The following PPP1R14C variants were observed in gnomAD, a reference collection of about 807,000 sequenced individuals.
PPP1R14C encodes the protein protein phosphatase 1 regulatory inhibitor subunit 14C, also known as protein phosphatase 1 regulatory subunit 14C.
PPP1R14C carries 16 observed loss-of-function variants against 20.4 expected under a neutral mutation model. That is an observed-to-expected ratio of 0.78 (90% CI 0.53 to 1.19). PPP1R14C has a LOEUF of 1.19. PPP1R14C is among the 50% of genes most tolerant of loss of function. The pLI, the probability that PPP1R14C is intolerant of heterozygous loss-of-function variation, is 0.00. For missense variants in PPP1R14C, 211 were observed against 220.1 expected, an observed-to-expected ratio of 0.96 and a Z score of 0.26; for synonymous variants, 91 against 91.0, an observed-to-expected ratio of 1.00 and a Z score of 0.00.
rs1315407563 is a variant in PPP1R14C, at chr6:150,143,158, C to G, written c.-35C>G. ...GCCGGGCGCGCTCCGCCCGCCCCTCCTCCGGGCCGCACTGAGGCTCGGGCG... is the reference window on the plus strand; with the variant it reads ...GCCGGGCGCGCTCCGCCCGCCCCTCGTCCGGGCCGCACTGAGGCTCGGGCG... On this transcript the variant is annotated 5_prime_UTR_variant, in exon 1 of 4. Transcript: ENST00000361131. The surrounding 1 kb of genome is among the most constrained non-coding windows in gnomAD (Gnocchi z 5.6). 9 of 1,247,276 alleles carry G rather than the reference C, an allele frequency of 7.2e-6. No individual in the cohort carries two copies. In the African/African-American group the frequency reaches 9.5e-5, roughly 13 times the overall value. The allele number at this position is 1,247,276 out of a possible 1,614,324, so 77.3% of individuals were successfully genotyped here. A position where few individuals can be genotyped will look rare whatever the true frequency, so the allele number is the denominator to read the frequency against.
chr6:150,147,164 G>T (rs1323294817), intron 1 of PPP1R14C, among the ~76,000 whole-genome samples: 2 of 149,968 alleles, frequency 1.3e-5, no homozygotes, highest in Non-Finnish European at 3.0e-5. Flanking sequence ...AACCCTGGTG[G>T]GTTTTTTTTG....
At chr6:150,217,757 A>G (rs989558296) in intron 3 of PPP1R14C, among the ~76,000 whole-genome samples, 2 of 152,214 alleles carry the variant, frequency 1.3e-5, no homozygotes, top group African/African-American at 4.8e-5. Context: ...TAAATTGGAG[A>G]AATTATAAGA....
At position 150,184,554 on chromosome 6, in the gene PPP1R14C, C is replaced by A. The variant is rs191539737; in HGVS notation, c.307-30190C>A. On this transcript the variant is annotated intron_variant, in intron 1 of 3. Coordinates refer to ENST00000361131, the MANE Select transcript of PPP1R14C (RefSeq NM_030949.3). The stretch of plus-strand genomic sequence containing the variant: ...TTTGTCCCCTCCCCCACCCCATCCT[C>A]TTCATGGCCACATGTTGTGTTTTGT... 3.2e-3 allele frequency among the ~76,000 whole-genome samples: 492 copies of A among 152,192 alleles called. 3 individuals are homozygous for A. The highest frequency in any genetic ancestry group is 6.8e-3 in the Middle Eastern group (2 of 294).
chr6:150,167,338 A>G (rs1321561649), intron 1 of PPP1R14C, among the ~76,000 whole-genome samples: 2 of 152,088 alleles, frequency 1.3e-5, no homozygotes, highest in East Asian at 3.9e-4. Context: ...ACTGCACTCC[A>G]GCCTGGGTGA....
intron 1 of PPP1R14C, among the ~76,000 whole-genome samples, chr6:150,154,119 A>T (rs1582894955): frequency 6.6e-6 from 1 of 152,214 alleles, no homozygotes; most frequent in Non-Finnish European, 1.5e-5. Flanking sequence ...ATATTTCTTT[A>T]CTCAAAGTCT....
chr6:150,175,629 G>C (rs548974922), intron 1 of PPP1R14C, among the ~76,000 whole-genome samples: 1 of 152,182 alleles, frequency 6.6e-6, no homozygotes, highest in Non-Finnish European at 1.5e-5. Context: ...ACATCTCCCT[G>C]GTGGTGCCCA....
intron 3 of PPP1R14C, among the ~76,000 whole-genome samples, chr6:150,227,405 T>A (rs1463528904): frequency 6.6e-6 from 1 of 152,206 alleles, no homozygotes; most frequent in East Asian, 1.9e-4. Flanking sequence ...AAAGAACATT[T>A]AGGAATGAAA....
rs35323993 is a variant in PPP1R14C, at chr6:150,159,617, CTTT to C, written c.306+16132_306+16134del. 8.3e-3 allele frequency among the ~76,000 whole-genome samples: 1,214 copies of C among 146,144 alleles called. 12 individuals are homozygous for C. The highest frequency in any genetic ancestry group is 0.029 in the African/African-American group (1,150 of 39,890). ...CCTTCGTCTGTCTCTGCCAGGCATT[CTTT>C]TTTTTTTTTTTTAAACAAATAAGCT... On this transcript the variant is annotated intron_variant, in intron 1 of 3. Coordinates refer to ENST00000361131, the MANE Select transcript of PPP1R14C (RefSeq NM_030949.3).
chr6:150,153,800 G>C (rs962382389), intron 1 of PPP1R14C, among the ~76,000 whole-genome samples: 1 of 152,184 alleles, frequency 6.6e-6, no homozygotes. Context: ...TTAAGAAACA[G>C]CTTCTTCATT....
At chr6:150,220,521 A>T (rs1328160336) in intron 3 of PPP1R14C, among the ~76,000 whole-genome samples, 1 of 152,202 alleles carries the variant, frequency 6.6e-6, no homozygotes, top group Non-Finnish European at 1.5e-5. Context: ...ATGATGAATG[A>T]TGTAGATGAA....
At chr6:150,174,427 A>G (rs997630358) in intron 1 of PPP1R14C, among the ~76,000 whole-genome samples, 10 of 151,110 alleles carry the variant, frequency 6.6e-5, no homozygotes, top group East Asian at 2.0e-4. Context: ...CGTGTTAGCC[A>G]GGATGGTCTC....
At chr6:150,161,256 G>A (rs561074443) in intron 1 of PPP1R14C, among the ~76,000 whole-genome samples, 1 of 148,262 alleles carries the variant, frequency 6.7e-6, no homozygotes, top group South Asian at 2.2e-4. Flanking sequence ...CTCCAGCCTG[G>A]GTGACAGAGC....
chr6:150,216,801 AT>A (rs1778099378), intron 2 of PPP1R14C, 22 bp from the exon 3 acceptor site: 2 of 1,543,710 alleles, frequency 1.3e-6, no homozygotes, highest in African/African-American at 2.8e-5. Context: ...AATAAAACTG[AT>A]TTTCTGTGTG....
Position 150,143,913 on chromosome 6 carries a change from CG to C in PPP1R14C, c.306+418del, listed in dbSNP as rs1305347828. ...GAGAGCAGCGCTCACTGCTGGGATC[CG>C]GGCAGCCCTGATTTTTGTGGAGAAC... On this transcript the variant is annotated intron_variant, in intron 1 of 3. Transcript: ENST00000361131. The surrounding 1 kb of genome is among the most constrained non-coding windows in gnomAD (Gnocchi z 5.6). Among the ~76,000 whole-genome samples the C allele has an allele frequency of 3.3e-5, 5 of 152,308 alleles. No individual in the cohort carries two copies. The highest frequency in any genetic ancestry group is 6.5e-5 in the Admixed American group (1 of 15,300).
At chr6:150,181,503 A>C (rs1457453988) in intron 1 of PPP1R14C, among the ~76,000 whole-genome samples, 1 of 152,144 alleles carries the variant, frequency 6.6e-6, no homozygotes, top group Non-Finnish European at 1.5e-5. Flanking sequence ...ATTAGCTATC[A>C]ATGTTCTTTT....
intron 3 of PPP1R14C, among the ~76,000 whole-genome samples, chr6:150,218,001 T>C (rs1183267043): frequency 1.3e-5 from 2 of 152,174 alleles, no homozygotes; most frequent in Non-Finnish European, 2.9e-5. Flanking sequence ...CACCAAAATA[T>C]ATACTTTTAG....
intron 3 of PPP1R14C, among the ~76,000 whole-genome samples, chr6:150,221,917 G>A (rs1778172823): frequency 6.6e-6 from 1 of 152,114 alleles, no homozygotes; most frequent in Non-Finnish European, 1.5e-5. Context: ...TCCTGCCTCA[G>A]CCCCCCGGGT....
intron 1 of PPP1R14C, among the ~76,000 whole-genome samples, chr6:150,147,169 T>TTTTTG (rs1000713835): frequency 2.6e-5 from 4 of 151,830 alleles, no homozygotes; most frequent in Admixed American, 1.3e-4. Context: ...TGGTGGGTTT[T>TTTTTG]TTTTGTTTTG....
intron 3 of PPP1R14C, among the ~76,000 whole-genome samples, chr6:150,219,506 G>A (rs2114914801): frequency 6.6e-6 from 1 of 151,966 alleles, no homozygotes; most frequent in East Asian, 1.9e-4. Flanking sequence ...GTGAGTCACT[G>A]TGCCCGGCCA....
Sources: gnomAD v4.1 joint callset for allele counts (sites outside exome capture counted in the v4.1 genomes callset) on GRCh38, gnomAD v4.1.1 for gene constraint, Gnocchi (gnomAD v3.1) non-coding constraint, MANE v1.5 for transcripts, NCBI Gene and HGNC (gene_info 2026-07-23, HGNC 2026-07-21) for gene names.